Variants in RBFOX2 observed in about 807,000 individuals in gnomAD.
RBFOX2 encodes the protein RNA binding fox-1 homolog 2, also known as RNA binding protein fox-1 homolog 2.
Under a neutral mutation model 49.1 loss-of-function variants are expected in RBFOX2, and 10 were observed. That is an observed-to-expected ratio of 0.20 (90% CI 0.13 to 0.35). The LOEUF is 0.35. RBFOX2 is among the 10% of genes least tolerant of loss of function. The pLI, the probability that RBFOX2 is intolerant of heterozygous loss-of-function variation, is 1.00. For synonymous variants in RBFOX2, 183 were observed against 187.4 expected, an observed-to-expected ratio of 0.98 and a Z score of 0.19; for missense variants, 323 against 486.9, an observed-to-expected ratio of 0.66 and a Z score of 3.17.
chr22:36,013,851 G>A (rs1474122108), intron 1 of RBFOX2, among the ~76,000 whole-genome samples: 1 of 152,084 alleles, frequency 6.6e-6, no homozygotes, highest in African/African-American at 2.4e-5. Context: ...AAAGGGGATA[G>A]GGACACATAG....
chr22:35,897,884 T>C, intron 1 of RBFOX2: 1 of 728,658 alleles, frequency 1.4e-6, no homozygotes. Flanking sequence ...GAGCTTTTAA[T>C]ATTCACATTC....
intron 1 of RBFOX2, among the ~76,000 whole-genome samples, chr22:35,882,404 G>C (rs1472869858): frequency 6.6e-6 from 1 of 152,146 alleles, no homozygotes; most frequent in Non-Finnish European, 1.5e-5. Context: ...TGGCTGCGTG[G>C]GTTTAAGAGG....
chr22:35,969,067 T>C (rs2056726557), intron 1 of RBFOX2, among the ~76,000 whole-genome samples: 1 of 152,058 alleles, frequency 6.6e-6, no homozygotes, highest in African/African-American at 2.4e-5. Flanking sequence ...CAAGTGCACA[T>C]CCCAAAGACA....
At chr22:35,764,584 C>CAA (rs1176043873) in intron 6 of RBFOX2, among the ~76,000 whole-genome samples, 46 of 60,660 alleles carry the variant, frequency 7.6e-4, no homozygotes, top group Admixed American at 1.3e-3. Context: ...GACTCCGTCT[C>CAA]AAAAAAAAAA....
intron 1 of RBFOX2, among the ~76,000 whole-genome samples, chr22:36,007,368 C>G (rs961371781): frequency 1.3e-5 from 2 of 151,856 alleles, no homozygotes; most frequent in African/African-American, 4.8e-5. Flanking sequence ...AATGACCATG[C>G]GCCACCACAC....
intron 1 of RBFOX2, among the ~76,000 whole-genome samples, chr22:35,880,159 A>G (rs1029258918): frequency 1.3e-5 from 2 of 152,198 alleles, no homozygotes; most frequent in Non-Finnish European, 2.9e-5. Context: ...AGGAAAAAAA[A>G]AAAAGGAAGA....
chr22:35,741,307 T>A (rs1929838636), exon 12 of RBFOX2: 1 of 152,254 alleles, frequency 6.6e-6, no homozygotes. Flanking sequence ...AAAAGAATCA[T>A]GCATGTACTG....
intron 1 of RBFOX2, among the ~76,000 whole-genome samples, chr22:35,829,579 G>C (rs1461923051): frequency 1.3e-5 from 2 of 151,930 alleles, no homozygotes. Flanking sequence ...CAGAGAGAGG[G>C]AGGGAAAAAG....
Position 35,780,373 on chromosome 22 carries a change from AAAAAAAAC to A in RBFOX2, c.399+1219_399+1226del, listed in dbSNP as rs1038037148. Among the ~76,000 whole-genome samples, 7 of 152,182 alleles carry A rather than the reference AAAAAAAAC, an allele frequency of 4.6e-5. No individual in the cohort carries two copies. The South Asian group carries it at 6.2e-4, about 14-fold the overall frequency. ...TAAAAAAGAAAACAAACAAACAAAAAAAAAAAACAAAAAAACTATTGATTATCTCTGGG... is the reference window on the plus strand; with the variant it reads ...TAAAAAAGAAAACAAACAAACAAAAAAAAAAAACTATTGATTATCTCTGGG... On this transcript the variant is annotated intron_variant, in intron 3 of 11. Coordinates refer to ENST00000405409, the Ensembl canonical transcript of RBFOX2.
intron 4 of RBFOX2, among the ~76,000 whole-genome samples, chr22:35,776,789 C>T (rs1258061131): frequency 1.3e-5 from 2 of 152,074 alleles, no homozygotes; most frequent in African/African-American, 2.4e-5. Context: ...ATAGGCTTGG[C>T]TATGGCTGAT....
intron 1 of RBFOX2, among the ~76,000 whole-genome samples, chr22:35,916,833 T>C (rs1386233108): frequency 1.3e-5 from 2 of 150,118 alleles, no homozygotes; most frequent in African/African-American, 4.9e-5. Flanking sequence ...ATCACGCCAC[T>C]GCACTCCAGC....
upstream of RBFOX2, among the ~76,000 whole-genome samples, chr22:35,963,965 C>T (rs1353255437): frequency 6.6e-6 from 1 of 152,082 alleles, no homozygotes. Context: ...AGGCTGGTCT[C>T]GAACTCCTGA....
chr22:35,886,259 G>A (rs73161703), intron 1 of RBFOX2, among the ~76,000 whole-genome samples: 24,878 of 152,062 alleles, frequency 0.16, 2,457 homozygotes, highest in Admixed American at 0.27. Context: ...TCTATTCTAT[G>A]CTGGCCTTCA....
intron 2 of RBFOX2, among the ~76,000 whole-genome samples, chr22:35,800,506 T>C (rs1949575468): frequency 6.6e-6 from 1 of 152,216 alleles, no homozygotes; most frequent in African/African-American, 2.4e-5. Context: ...CCTATGCTTT[T>C]ATCCCGAGGC....
rs12159166 is a variant in RBFOX2 at position 35,887,800 on chromosome 22, C to T, written c.-34+51047G>A. Among the ~76,000 whole-genome samples the T allele has an allele frequency of 4.6e-3, 701 of 152,290 alleles. 7 individuals carry two copies. Among genetic ancestry groups the T allele is most frequent in the African/African-American group, 0.015 (617 of 41,532 alleles). The stretch of plus-strand genomic sequence containing the variant: ...AGCACCAACTGTATTTTTCCACCAC[C>T]TCACCTAAAGCCATTCACCTAGCAT... On this transcript the variant is annotated intron_variant, in intron 1 of 13. Transcript: ENST00000359369.
At chr22:35,897,277 T>C in intron 1 of RBFOX2, 1 of 1,509,544 alleles carries the variant, frequency 6.6e-7, no homozygotes, top group South Asian at 1.1e-5. Context: ...ATGTTGACGG[T>C]CTTGGCCAGC....
At chr22:35,968,388 G>A (rs1009192828) in intron 1 of RBFOX2, among the ~76,000 whole-genome samples, 4 of 152,150 alleles carry the variant, frequency 2.6e-5, no homozygotes, top group Admixed American at 1.3e-4. Flanking sequence ...CACAGAACGG[G>A]AGGGAAAAGA....
chr22:35,973,560 T>C lies in RBFOX2; in HGVS notation c.187-34663A>G, dbSNP rs572123034. Among the ~76,000 whole-genome samples the C allele has an allele frequency of 3.2e-4, 48 of 152,212 alleles. 1 individual carries two copies. Among genetic ancestry groups the C allele is most frequent in the Non-Finnish European group, 6.2e-4 (42 of 68,038 alleles). On this transcript the variant is annotated intron_variant, in intron 1 of 13. Coordinates refer to the RBFOX2 transcript ENST00000438146. Reference sequence around the variant, plus strand: ...GTCCAGCAAGTAAAAGGTTTGAGATTAGATTAGAACTGTCTGTTGTCAGCC... The same window carrying C: ...GTCCAGCAAGTAAAAGGTTTGAGATCAGATTAGAACTGTCTGTTGTCAGCC...
At chr22:35,881,253 G>A (rs1249496118) in intron 1 of RBFOX2, among the ~76,000 whole-genome samples, 1 of 149,182 alleles carries the variant, frequency 6.7e-6, no homozygotes, top group East Asian at 2.0e-4. Context: ...AACAGAGTGA[G>A]ACTCCGTCTC....
Sources: gnomAD v4.1 joint callset for allele counts (sites outside exome capture counted in the v4.1 genomes callset) on GRCh38, gnomAD v4.1.1 for gene constraint, MANE v1.5 for transcripts, NCBI Gene and HGNC (gene_info 2026-07-23, HGNC 2026-07-21) for gene names.